The following CDADC1 variants were observed in gnomAD, a reference collection of about 807,000 sequenced individuals.
CDADC1 encodes cytidine and dCMP deaminase domain containing 1, also known as dCTP deaminase.
In CDADC1, 39 loss-of-function variants were observed where a neutral mutation model predicts 54.9. The ratio of observed to expected loss-of-function variants is 0.71; its 90% CI spans 0.55 to 0.93. The LOEUF (loss-of-function observed/expected upper bound fraction) is 0.93, where lower values mean the gene tolerates loss of function less well. Ranked by LOEUF, CDADC1 falls within the 40% of genes least tolerant of loss-of-function variation. The pLI is 0.00. For missense variants in CDADC1, 518 were observed against 618.8 expected, an observed-to-expected ratio of 0.84 and a Z score of 1.73; for synonymous variants, 186 against 204.0, an observed-to-expected ratio of 0.91 and a Z score of 0.75.
At chr13:49,274,978 A>G (rs574650461) in intron 6 of CDADC1, among the ~76,000 whole-genome samples, 3 of 152,348 alleles carry the variant, frequency 2.0e-5, no homozygotes, top group Admixed American at 6.5e-5. Flanking sequence ...ACTGTTGGTG[A>G]ATATTATTAA....
At chr13:49,257,545 C>T (rs1014689525) in intron 3 of CDADC1, among the ~76,000 whole-genome samples, 2 of 152,092 alleles carry the variant, frequency 1.3e-5, no homozygotes, top group Non-Finnish European at 2.9e-5. Context: ...CCGAGGCGGG[C>T]GGATCACGAG....
intron 2 of CDADC1, among the ~76,000 whole-genome samples, chr13:49,255,390 G>T (rs1038511602): frequency 1.3e-5 from 2 of 152,180 alleles, no homozygotes; most frequent in African/African-American, 4.8e-5. Flanking sequence ...ACAGGCTCCA[G>T]TGACTGGGAC....
Position 49,291,745 on chromosome 13 carries a change from C to G in CDADC1, c.1533C>G (p.Leu511=). ...EEQHQDKKLR[L]GIH is the part of the protein sequence containing the mutation. ...AGCACCAGGACAAGAAGCTGCGCCT[C>G]GGAATCCACTAAGAAGGCCTGTCTA... The change falls in exon 10 of 10, where the codon CTC becomes CTG. Residue 511 remains leucine (L), a synonymous_variant. Transcript: ENST00000251108. 2 of 1,614,004 alleles carry G rather than the reference C, an allele frequency of 1.2e-6. No homozygotes were observed. Among genetic ancestry groups the G allele is most frequent in the Non-Finnish European group, 1.7e-6 (2 of 1,179,946 alleles).
At chr13:49,254,735 T>C (rs1952506638) in intron 2 of CDADC1, among the ~76,000 whole-genome samples, 5 of 152,188 alleles carry the variant, frequency 3.3e-5, no homozygotes, top group Admixed American at 3.3e-4. Context: ...GAATTCTGTG[T>C]CACTTTCTTT....
chr13:49,249,715 A>G (rs1033695347), intron 2 of CDADC1, among the ~76,000 whole-genome samples: 3 of 152,296 alleles, frequency 2.0e-5, no homozygotes, highest in South Asian at 4.1e-4. Context: ...CCTGGGTGAC[A>G]GAGCAAGACT....
intron 7 of CDADC1, 69 bp from the exon 8 acceptor site, chr13:49,280,440 A>T: frequency 1.4e-6 from 1 of 736,224 alleles, no homozygotes; most frequent in Non-Finnish European, 2.0e-6. Context: ...TAGTGTTTAA[A>T]GATTTTTCTA....
rs748971034 is a variant in CDADC1 at position 49,259,425 on chromosome 13, G to A, written c.332G>A (p.Gly111Glu). 1 of 1,614,030 alleles carries A rather than the reference G, an allele frequency of 6.2e-7. No individual in the cohort carries two copies. Among genetic ancestry groups the A allele is most frequent in the Admixed American group, 1.7e-5 (1 of 60,016 alleles). Reference sequence around the variant, plus strand: ...TGTTCTAGTGAAGATTTACATGCCGGGCAGATTGCTCTTATTAAACATGGG... The same window carrying A: ...TGTTCTAGTGAAGATTTACATGCCGAGCAGATTGCTCTTATTAAACATGGG... ...LHCSSEDLHA[G>E]QIALIKHGSR... Residue 111 changes from glycine (G) to glutamate (E), a missense_variant, in exon 4 of 10, where the codon GGG becomes GAG. Physicochemically the swap from Gly to Glu is moderately conservative, Grantham distance 98. Coordinates refer to ENST00000251108, the MANE Select transcript of CDADC1 (RefSeq NM_030911.4).
rs1160403847 is a variant in CDADC1 at position 49,292,750 on chromosome 13, T to G, written c.*993T>G. 3 of 1,272,780 alleles carry G rather than the reference T, an allele frequency of 2.4e-6. No homozygotes were observed. In the African/African-American group the frequency reaches 4.6e-5, roughly 20 times the overall value. 78.8% of individuals were successfully genotyped at this position (1,272,780 alleles called of 1,614,324 possible). Reference sequence around the variant, plus strand: ...AACATTCAGAAAATTATTCCAAAAATGAAGGTACATTTTCTGTTCTCTCCT... The same window carrying G: ...AACATTCAGAAAATTATTCCAAAAAGGAAGGTACATTTTCTGTTCTCTCCT... On this transcript the variant is annotated 3_prime_UTR_variant, in exon 10 of 10. Transcript: ENST00000251108.
chr13:49,289,407 CATG>C (rs1278431070), intron 9 of CDADC1, among the ~76,000 whole-genome samples: 7 of 152,112 alleles, frequency 4.6e-5, no homozygotes, highest in Non-Finnish European at 7.4e-5. Context: ...GGATTACCGG[CATG>C]AGCCACCACG....
chr13:49,256,154 G>A (rs1001408463), intron 3 of CDADC1, among the ~76,000 whole-genome samples: 1 of 150,366 alleles, frequency 6.7e-6, no homozygotes, highest in Non-Finnish European at 1.5e-5. Context: ...ACTCTTGATG[G>A]TTCATATAGA....
intron 2 of CDADC1, among the ~76,000 whole-genome samples, chr13:49,251,516 T>C (rs1952433425): frequency 6.6e-6 from 1 of 152,142 alleles, no homozygotes; most frequent in Non-Finnish European, 1.5e-5. Flanking sequence ...TTTAGTTCTG[T>C]TTTTTTATAT....
Position 49,259,474 on chromosome 13 carries a change from T to C in CDADC1, c.381T>C (p.Leu127=), listed in dbSNP as rs1952620563. Residue 127 remains leucine, a synonymous_variant, in exon 4 of 10, where the codon CTT becomes CTC. Transcript: ENST00000251108. ...KHGSRLKNCD[L]YFSRKPCSAC... The stretch of plus-strand genomic sequence containing the variant: ...GGTCAAGGCTGAAAAACTGTGATCT[T>C]TATTTTTCCAGAAAACCATGTTCTG... 6.2e-7 allele frequency: 1 copy of C among 1,613,934 alleles called. No homozygotes were observed. Among genetic ancestry groups the C allele is most frequent in the African/African-American group, 1.3e-5 (1 of 74,910 alleles).
At position 49,267,714 on chromosome 13, in the gene CDADC1, A is replaced by G. The variant is rs777066289; in HGVS notation, c.655A>G (p.Thr219Ala). Reference protein sequence around the residue: ...KCDFIQKITKTLPDANTDFYY... With the variant: ...KCDFIQKITKALPDANTDFYY... ...TGACTTTATTCAAAAAATTACAAAA[A>G]CATTGCCGGATGCTAACACTGACTT... The change falls in exon 5 of 10, where the codon ACA becomes GCA. Residue 219 changes from threonine to alanine, a missense_variant. Transcript: ENST00000251108. 6.2e-7 allele frequency: 1 copy of G among 1,612,280 alleles called. No homozygotes were observed. Among genetic ancestry groups the G allele is most frequent in the Admixed American group, 1.7e-5 (1 of 59,726 alleles).
chr13:49,258,803 T>G (rs915983652), intron 3 of CDADC1, among the ~76,000 whole-genome samples: 1 of 152,228 alleles, frequency 6.6e-6, no homozygotes, highest in African/African-American at 2.4e-5. Context: ...ATACAGCCAG[T>G]AGTTTCTCAA....
intron 3 of CDADC1, among the ~76,000 whole-genome samples, chr13:49,257,134 G>C (rs1281373044): frequency 6.6e-6 from 1 of 152,122 alleles, no homozygotes; most frequent in Non-Finnish European, 1.5e-5. Flanking sequence ...GTTTGGGATG[G>C]AAAAATCTTT....
At position 49,292,710 on chromosome 13, in the gene CDADC1, T is replaced by C; in HGVS notation, c.*953T>C. 7.9e-7 allele frequency: 1 copy of C among 1,263,240 alleles called. No homozygotes were observed. The highest frequency in any genetic ancestry group is 1.0e-6 in the Non-Finnish European group (1 of 978,028). 78.3% of individuals were successfully genotyped at this position (1,263,240 alleles called of 1,614,324 possible). ...GATTGCTGTCTGTGATTTCTCACATTTTTATTTGCTGAGAAACATTCAGAA... is the reference window on the plus strand; with the variant it reads ...GATTGCTGTCTGTGATTTCTCACATCTTTATTTGCTGAGAAACATTCAGAA... On this transcript the variant is annotated 3_prime_UTR_variant, in exon 10 of 10. Coordinates refer to ENST00000251108, the MANE Select transcript of CDADC1 (RefSeq NM_030911.4).
intron 5 of CDADC1, among the ~76,000 whole-genome samples, 177 bp downstream of exon 5, chr13:49,268,236 G>T (rs557712917): frequency 6.6e-6 from 1 of 152,234 alleles, no homozygotes; most frequent in African/African-American, 2.4e-5. Context: ...CAGCAGTTTT[G>T]GGATTCCTTG....
At chr13:49,285,941 G>C (rs1177923642) in intron 8 of CDADC1, among the ~76,000 whole-genome samples, 1 of 151,832 alleles carries the variant, frequency 6.6e-6, no homozygotes, top group African/African-American at 2.4e-5. Flanking sequence ...AGCCTCCCAA[G>C]TAGCTAGGAC....
chr13:49,247,938 CT>C lies in CDADC1; in HGVS notation c.-98del. On this transcript the variant is annotated 5_prime_UTR_variant, in exon 1 of 10. Coordinates refer to ENST00000251108, the MANE Select transcript of CDADC1 (RefSeq NM_030911.4). The stretch of plus-strand genomic sequence containing the variant: ...CTGGCTGCGCCTAGTGGGCCGTTGC[CT>C]TACAGTTGCTGAGAGGAGGCGAGAG... 3 of 1,084,116 alleles carry C rather than the reference CT, an allele frequency of 2.8e-6. No individual in the cohort carries two copies. The highest frequency in any genetic ancestry group is 4.1e-6 in the Non-Finnish European group (3 of 725,382). The allele number at this position is 1,084,116 out of a possible 1,614,324, so 67.2% of individuals were successfully genotyped here.
Sources: gnomAD v4.1 joint callset for allele counts (sites outside exome capture counted in the v4.1 genomes callset) on GRCh38, gnomAD v4.1.1 for gene constraint, MANE v1.5 for transcripts, NCBI Gene and HGNC (gene_info 2026-07-23, HGNC 2026-07-21) for gene names.